The following LRRK2 variants were observed in gnomAD, a reference collection of about 807,000 sequenced individuals.
The protein encoded by LRRK2 is leucine-rich repeat serine/threonine-protein kinase 2.
Under a neutral mutation model 302.6 loss-of-function variants are expected in LRRK2, and 203 were observed. The observed-to-expected ratio is 0.67, with a 90% confidence interval of 0.60 to 0.75. LRRK2 has a LOEUF of 0.75. LRRK2 is among the 30% of genes least tolerant of loss of function. The pLI, the probability that LRRK2 is intolerant of heterozygous loss-of-function variation, is 0.00. For synonymous variants in LRRK2, 1,066 were observed against 1,031.9 expected, an observed-to-expected ratio of 1.03 and a Z score of -0.63; for missense variants, 2,830 against 2,951.0, an observed-to-expected ratio of 0.96 and a Z score of 0.95.
chr12:40,336,011 C>A lies in LRRK2; in HGVS notation c.5948+854C>A, dbSNP rs1290113082. ...TCTGAGCCAGTATCATCTCTCATTG[C>A]CTACTGGTCCCCTGCTTCTACCTCT... On this transcript the variant is annotated intron_variant, in intron 40 of 50. Coordinates refer to ENST00000298910, the MANE Select transcript of LRRK2 (RefSeq NM_198578.4). Among the ~76,000 whole-genome samples the A allele has an allele frequency of 1.3e-5, 2 of 152,184 alleles. 1 individual carries two copies. Among genetic ancestry groups the A allele is most frequent in the Non-Finnish European group, 2.9e-5 (2 of 68,028 alleles).
chr12:40,336,723 A>G (rs1164055187), intron 40 of LRRK2, among the ~76,000 whole-genome samples: 2 of 152,216 alleles, frequency 1.3e-5, no homozygotes, highest in African/African-American at 4.8e-5. Context: ...AACAGGGTGC[A>G]GGGATTTGGA....
intron 49 of LRRK2, chr12:40,365,689 A>G (rs902486532): frequency 6.6e-6 from 1 of 151,932 alleles, no homozygotes; most frequent in African/African-American, 2.4e-5. Context: ...AAACGACACT[A>G]TGGGGTTTAA....
chr12:40,230,487 C>T (rs938538640), intron 2 of LRRK2, among the ~76,000 whole-genome samples: 2 of 152,148 alleles, frequency 1.3e-5, no homozygotes, highest in African/African-American at 2.4e-5. Flanking sequence ...ACTCTCCTCA[C>T]CGCTCATCCG....
intron 45 of LRRK2, 26 bp from the exon 46 acceptor site, chr12:40,356,089 A>T: frequency 6.4e-7 from 1 of 1,553,674 alleles, no homozygotes; most frequent in Non-Finnish European, 8.8e-7. Flanking sequence ...TTCTTTTTGT[A>T]ACAATTTCAA....
chr12:40,349,451 T>A (rs1195474885), intron 43 of LRRK2, among the ~76,000 whole-genome samples: 1 of 152,258 alleles, frequency 6.6e-6, no homozygotes, highest in African/African-American at 2.4e-5. Context: ...TGGTCTTGGA[T>A]TGAATATGTT....
intron 14 of LRRK2, among the ~76,000 whole-genome samples, chr12:40,269,128 A>G (rs1275453891): frequency 6.6e-6 from 1 of 152,188 alleles, no homozygotes; most frequent in African/African-American, 2.4e-5. Context: ...TTAAAATGCC[A>G]TGTTTTCTGA....
At chr12:40,226,793 G>A (rs1402200444) in intron 2 of LRRK2, among the ~76,000 whole-genome samples, 3 of 152,074 alleles carry the variant, frequency 2.0e-5, no homozygotes, top group African/African-American at 7.2e-5. Context: ...GTCACTTTTT[G>A]GGCACTGGCC....
intron 5 of LRRK2, among the ~76,000 whole-genome samples, chr12:40,239,100 A>G (rs887089236): frequency 6.6e-6 from 1 of 152,214 alleles, no homozygotes; most frequent in Non-Finnish European, 1.5e-5. Flanking sequence ...AAGTAAACCT[A>G]TTATTCAGGA....
intron 49 of LRRK2, chr12:40,365,979 CTAG>C (rs1285266770): frequency 6.6e-6 from 1 of 151,916 alleles, no homozygotes; most frequent in East Asian, 1.9e-4. Flanking sequence ...GTTGCATTCT[CTAG>C]TTGAATTGTA....
At chr12:40,337,473 A>G (rs1018619278) in intron 40 of LRRK2, among the ~76,000 whole-genome samples, 1 of 152,140 alleles carries the variant, frequency 6.6e-6, no homozygotes, top group Non-Finnish European at 1.5e-5. Context: ...ATCACCCACT[A>G]TGAATCTGTT....
intron 7 of LRRK2, among the ~76,000 whole-genome samples, chr12:40,247,443 G>A (rs1942033645): frequency 6.8e-6 from 1 of 147,648 alleles, no homozygotes; most frequent in Non-Finnish European, 1.5e-5. Context: ...CTTATATACT[G>A]TATATAAAAA....
chr12:40,343,004 TAC>T (rs1946093588), intron 41 of LRRK2, among the ~76,000 whole-genome samples: 5 of 152,158 alleles, frequency 3.3e-5, no homozygotes, highest in Admixed American at 3.3e-4. Flanking sequence ...AGTCTATAGA[TAC>T]AGAGACTAAA....
At chr12:40,333,714 G>A (rs907533151) in intron 39 of LRRK2, among the ~76,000 whole-genome samples, 6 of 151,172 alleles carry the variant, frequency 4.0e-5, no homozygotes, top group African/African-American at 1.5e-4. Context: ...TGCAGCCAGG[G>A]ATTGCCTTAG....
chr12:40,269,082 C>T (rs891931859), intron 14 of LRRK2, among the ~76,000 whole-genome samples: 3 of 152,034 alleles, frequency 2.0e-5, no homozygotes, highest in African/African-American at 7.2e-5. Context: ...CAACGGAACA[C>T]CTTGTTGGAG....
At chr12:40,264,164 G>T (rs1016872224) in intron 14 of LRRK2, among the ~76,000 whole-genome samples, 1 of 152,148 alleles carries the variant, frequency 6.6e-6, no homozygotes, top group Non-Finnish European at 1.5e-5. Context: ...ACTCTAGTTT[G>T]CTCAACCAGA....
intron 25 of LRRK2, chr12:40,300,673 T>C (rs1437376277): frequency 4.9e-6 from 2 of 404,564 alleles, no homozygotes; most frequent in Non-Finnish European, 1.0e-5. Context: ...ATAGAGTTGT[T>C]GACTCACTCA....
intron 34 of LRRK2, 54 bp from the exon 35 acceptor site, chr12:40,320,980 A>G: frequency 1.3e-6 from 2 of 1,592,130 alleles, no homozygotes; most frequent in Non-Finnish European, 1.7e-6. Context: ...CATTTGCTCA[A>G]CAAGGTTGGG....
intron 7 of LRRK2, 149 bp from the exon 8 acceptor site, chr12:40,249,677 C>T (rs897987800): frequency 2.0e-5 from 17 of 853,142 alleles, no homozygotes; most frequent in Middle Eastern, 3.6e-4. Context: ...TTTACTCAAT[C>T]ATATTAAGCT....
chr12:40,259,421 T>C, intron 12 of LRRK2, 59 bp from the exon 13 acceptor site: 4 of 1,606,390 alleles, frequency 2.5e-6, no homozygotes, highest in Non-Finnish European at 2.6e-6. Context: ...TTCAATTTGG[T>C]GTTTATACCA....
Sources: allele counts gnomAD v4.1 joint callset (sites outside exome capture counted in the v4.1 genomes callset), GRCh38; gene constraint gnomAD v4.1.1; transcripts MANE v1.5; gene names NCBI Gene and HGNC (gene_info 2026-07-23, HGNC 2026-07-21).